The following SLCO6A1 variants were observed in gnomAD, a reference collection of about 807,000 sequenced individuals.
SLCO6A1 encodes cancer/testis antigen 48.
In SLCO6A1, 65 loss-of-function variants were observed where a neutral mutation model predicts 72.7. The observed-to-expected ratio is 0.89, with a 90% CI of 0.73 to 1.10. SLCO6A1 has a LOEUF of 1.10. Among genes scored for constraint, SLCO6A1 ranks in the 50% least tolerant of loss-of-function variants. The probability of loss-of-function intolerance (pLI) is 0.00; values close to 1 mark genes in which losing one functional copy is unlikely to be tolerated. For missense variants in SLCO6A1, 874 were observed against 872.6 expected (o/e 1.00, Z -0.02); for synonymous variants, 314 against 298.2 (o/e 1.05, Z -0.55).
chr5:102,387,374 T>G (rs1033657323), intron 12 of SLCO6A1, among the ~76,000 whole-genome samples: 1 of 152,218 alleles, frequency 6.6e-6, no homozygotes, highest in Non-Finnish European at 1.5e-5. Flanking sequence ...CTGGAATCTC[T>G]TCTAGTTCAC....
At chr5:102,458,990 G>A (rs1321646726) in intron 5 of SLCO6A1, among the ~76,000 whole-genome samples, 1 of 151,946 alleles carries the variant, frequency 6.6e-6, no homozygotes, top group Non-Finnish European at 1.5e-5. Context: ...CAATTCTAAG[G>A]TAGTCAATAC....
intron 6 of SLCO6A1, among the ~76,000 whole-genome samples, chr5:102,448,636 C>T (rs1308752677): frequency 6.6e-6 from 1 of 152,000 alleles, no homozygotes; most frequent in Non-Finnish European, 1.5e-5. Flanking sequence ...CCCCCTTTGT[C>T]CTTTTTGATT....
intron 7 of SLCO6A1, among the ~76,000 whole-genome samples, chr5:102,427,845 CAT>C (rs1325179314): frequency 2.3e-3 from 169 of 73,786 alleles, no homozygotes; most frequent in South Asian, 7.9e-3. Flanking sequence ...TGTATGTATA[CAT>C]ATATATATAT....
chr5:102,399,616 T>TA lies in SLCO6A1; in HGVS notation c.1752dup (p.Ile585TyrfsTer25). 1 of 1,605,858 alleles carries TA rather than the reference T, an allele frequency of 6.2e-7. No homozygotes were observed. Among genetic ancestry groups the TA allele is most frequent in the Non-Finnish European group, 8.5e-7 (1 of 1,174,804 alleles). On this transcript the variant is annotated frameshift_variant, in exon 10 of 14. Transcript: ENST00000506729. LOFTEE classifies it high-confidence loss of function. Reference sequence around the variant, plus strand: ...CCAGAAAATATAAGTGTAGAAAAGATAAAAGCAATGAACAAAGGTAACTTA... The same window carrying TA: ...CCAGAAAATATAAGTGTAGAAAAGATAAAAAGCAATGAACAAAGGTAACTTA...
chr5:102,462,830 A>G lies in SLCO6A1; in HGVS notation c.900-3053T>C, dbSNP rs547718383. Among the ~76,000 whole-genome samples, 7 of 152,310 alleles carry G rather than the reference A, an allele frequency of 4.6e-5. 1 individual carries two copies. The South Asian group carries it at 1.4e-3, about 32-fold the overall frequency. The stretch of plus-strand genomic sequence containing the variant: ...ACCTGACATCATAAAACTTCTAGAA[A>G]ATAACATCATAGAAACTCTTCTAGA... On this transcript the variant is annotated intron_variant, in intron 4 of 13. Transcript: ENST00000506729.
chr5:102,451,936 C>A lies in SLCO6A1; in HGVS notation c.1131+6446G>T, dbSNP rs375943274. Reference sequence around the variant, plus strand: ...TTAAATAGGATTTATATTGATTCTTCTTTCTATGATAGCCATTTACTTGCT... The same window carrying A: ...TTAAATAGGATTTATATTGATTCTTATTTCTATGATAGCCATTTACTTGCT... On this transcript the variant is annotated intron_variant, in intron 6 of 13. Coordinates refer to ENST00000506729, the MANE Select transcript of SLCO6A1 (RefSeq NM_173488.5). 3.9e-5 allele frequency among the ~76,000 whole-genome samples: 6 copies of A among 152,282 alleles called. No individual in the cohort carries two copies. The East Asian group carries it at 9.7e-4, about 24-fold the overall frequency.
At position 102,391,045 on chromosome 5, in the gene SLCO6A1, C is replaced by T; in HGVS notation, c.1815G>A (p.Arg605=). ...SGVPIVLAMT[R]VVPDKLRSLA... is the part of the protein sequence containing the mutation. ...GAGAACGCAGTTTGTCAGGTACAAC[C>T]CTGAAAGTAAATAGCAATGATATAA... The change falls in exon 11 of 14, where the codon CGG becomes CGA. Residue 605 remains arginine, a splice_region_variant and synonymous_variant. Transcript: ENST00000506729. 6.2e-7 allele frequency: 1 copy of T among 1,612,706 alleles called. No homozygotes were observed. Among genetic ancestry groups the T allele is most frequent in the Non-Finnish European group, 8.5e-7 (1 of 1,178,938 alleles).
chr5:102,444,053 G>A (rs899464878), intron 6 of SLCO6A1, among the ~76,000 whole-genome samples: 7 of 152,192 alleles, frequency 4.6e-5, no homozygotes, highest in African/African-American at 1.4e-4. Flanking sequence ...TTGCTTTCCA[G>A]TTAGGCTAGG....
At position 102,454,151 on chromosome 5, in the gene SLCO6A1, T is replaced by C. The variant is rs1750578955; in HGVS notation, c.1131+4231A>G. ...GCCTTTTCCAAAGACTGGCCACCAA[T>C]ATTGTAATTGCTGACTACAATGTCC... On this transcript the variant is annotated intron_variant, in intron 6 of 13. Coordinates refer to ENST00000506729, the MANE Select transcript of SLCO6A1 (RefSeq NM_173488.5). 3.3e-5 allele frequency among the ~76,000 whole-genome samples: 5 copies of C among 152,330 alleles called. No individual in the cohort carries two copies. In the South Asian group the frequency reaches 1.0e-3, roughly 32 times the overall value.
intron 1 of SLCO6A1, among the ~76,000 whole-genome samples, chr5:102,481,336 G>A (rs149244604): frequency 3.9e-4 from 59 of 152,254 alleles, no homozygotes; most frequent in African/African-American, 1.3e-3. Flanking sequence ...GGGCTCTATA[G>A]TGCTGATAGC....
At chr5:102,377,663 A>T (rs1241895974) in intron 12 of SLCO6A1, among the ~76,000 whole-genome samples, 1 of 151,834 alleles carries the variant, frequency 6.6e-6, no homozygotes, top group East Asian at 1.9e-4. Flanking sequence ...ATATAGACAT[A>T]GACATATATA....
chr5:102,475,170 G>C lies in SLCO6A1; in HGVS notation c.899+527C>G, dbSNP rs1399180805. 2.0e-5 allele frequency among the ~76,000 whole-genome samples: 3 copies of C among 152,004 alleles called. No individual in the cohort carries two copies. The East Asian group carries it at 5.8e-4, about 29-fold the overall frequency. On this transcript the variant is annotated intron_variant, in intron 4 of 13. Transcript: ENST00000506729. ...TTGCAGCATTATTCACAATAGTAAA[G>C]AGCTGGAAGCAACTTTAATGTCCAT...
At chr5:102,436,422 T>C (rs554075117) in intron 7 of SLCO6A1, among the ~76,000 whole-genome samples, 3 of 152,292 alleles carry the variant, frequency 2.0e-5, no homozygotes, top group East Asian at 3.9e-4. Context: ...AATGCTCAAT[T>C]ACTCTGGAAG....
At chr5:102,427,659 C>T (rs1305057522) in intron 7 of SLCO6A1, among the ~76,000 whole-genome samples, 1 of 150,812 alleles carries the variant, frequency 6.6e-6, no homozygotes, top group Non-Finnish European at 1.5e-5. Flanking sequence ...GATCCTGGGA[C>T]AGAAAAAGGA....
chr5:102,424,171 A>G (rs1748763363), intron 7 of SLCO6A1, among the ~76,000 whole-genome samples: 2 of 152,326 alleles, frequency 1.3e-5, no homozygotes, highest in South Asian at 2.1e-4. Context: ...AGAAAGCAGG[A>G]AAGATCTAAA....
chr5:102,475,707 A>G lies in SLCO6A1; in HGVS notation c.889T>C (p.Ser297Pro). The change falls in exon 4 of 14, where the codon TCT becomes CCT. Residue 297 changes from serine to proline, a missense_variant. Physicochemically the swap from Ser to Pro is moderately conservative, Grantham distance 74. Coordinates refer to ENST00000506729, the MANE Select transcript of SLCO6A1 (RefSeq NM_173488.5). ...AAAATAATGCCTTACTTTGTTGCAG[A>G]AGTAGTATTCTCAGGGACTTTAACT... ...PLVKVPENTT[S>P]ATNTTVNNGS... 6.3e-7 allele frequency: 1 copy of G among 1,595,344 alleles called. No individual in the cohort carries two copies. The highest frequency in any genetic ancestry group is 8.5e-7 in the Non-Finnish European group (1 of 1,171,186).
chr5:102,378,656 CATA>C (rs1379357527), intron 12 of SLCO6A1, among the ~76,000 whole-genome samples: 3 of 152,134 alleles, frequency 2.0e-5, no homozygotes, highest in African/African-American at 7.2e-5. Context: ...TTTCATTCAA[CATA>C]ATGTTTGTGT....
intron 9 of SLCO6A1, among the ~76,000 whole-genome samples, chr5:102,407,787 A>G (rs1184954938): frequency 6.6e-6 from 1 of 152,186 alleles, no homozygotes; most frequent in Non-Finnish European, 1.5e-5. Context: ...TAGCAAAAAA[A>G]TTAGAGCCTT....
chr5:102,472,667 T>C (rs1751688098), intron 4 of SLCO6A1, among the ~76,000 whole-genome samples: 2 of 151,842 alleles, frequency 1.3e-5, no homozygotes, highest in South Asian at 2.1e-4. Flanking sequence ...GGAAAAACCA[T>C]AGAGAAAATA....
Sources: allele counts gnomAD v4.1 joint callset (sites outside exome capture counted in the v4.1 genomes callset), GRCh38; gene constraint gnomAD v4.1.1; transcripts MANE v1.5; gene names NCBI Gene and HGNC (gene_info 2026-07-23, HGNC 2026-07-21).